FKBP5: variants seen among roughly 807,000 people sequenced by gnomAD.
FKBP5 encodes the protein peptidyl-prolyl cis-trans isomerase FKBP5.
A neutral mutation model predicts 50.5 loss-of-function variants in FKBP5; 23 were observed. The observed-to-expected ratio is 0.46, with a 90% CI of 0.33 to 0.65. The LOEUF (loss-of-function observed/expected upper bound fraction) is 0.65, where lower values mean the gene tolerates loss of function less well. Among genes scored for constraint, FKBP5 ranks in the 30% least tolerant of loss-of-function variants. The pLI is 0.02. For synonymous variants in FKBP5, 176 were observed against 190.6 expected (o/e 0.92, Z 0.63); for missense variants, 411 against 553.1 (o/e 0.74, Z 2.58).
At chr6:35,656,890 C>T (rs547246010) in intron 1 of FKBP5, among the ~76,000 whole-genome samples, 340 of 94,556 alleles carry the variant, frequency 3.6e-3, no homozygotes, top group African/African-American at 0.014. Flanking sequence ...AGCAAGACTC[C>T]GTCTCAAAAA....
At chr6:35,622,641 T>A (rs1763880935) in intron 3 of FKBP5, among the ~76,000 whole-genome samples, 1 of 152,232 alleles carries the variant, frequency 6.6e-6, no homozygotes, top group African/African-American at 2.4e-5. Flanking sequence ...GGTATCCTAC[T>A]GTGTGCTGTC....
intron 3 of FKBP5, among the ~76,000 whole-genome samples, chr6:35,631,262 T>C (rs1764143839): frequency 6.6e-6 from 1 of 152,258 alleles, no homozygotes; most frequent in South Asian, 2.1e-4. Context: ...AATTGTGGAA[T>C]ACTTCTCAGG....
intron 1 of FKBP5, among the ~76,000 whole-genome samples, chr6:35,660,404 G>A (rs1245339242): frequency 1.3e-5 from 1 of 78,706 alleles, no homozygotes; most frequent in African/African-American, 4.0e-5. Flanking sequence ...GAGTAGCTGG[G>A]ATTATAGGCA....
chr6:35,617,394 C>G (rs1763693231), intron 5 of FKBP5, among the ~76,000 whole-genome samples: 1 of 152,030 alleles, frequency 6.6e-6, no homozygotes, highest in Admixed American at 6.6e-5. Flanking sequence ...ACTGGTGTAA[C>G]CATAGCACGC....
intron 1 of FKBP5, among the ~76,000 whole-genome samples, chr6:35,678,415 GA>G (rs2151008785): frequency 6.6e-6 from 1 of 152,266 alleles, no homozygotes; most frequent in Non-Finnish European, 1.5e-5. Context: ...TTTAGAGAAA[GA>G]AAAGGCAAAA....
At chr6:35,689,617 C>T (rs1249618071), upstream of FKBP5, among the ~76,000 whole-genome samples, 3 of 152,000 alleles carry the variant, frequency 2.0e-5, no homozygotes, top group Admixed American at 6.6e-5. Context: ...CCGAGGTGGG[C>T]GGACCACGAG....
chr6:35,607,809 T>C (rs570701617), intron 5 of FKBP5: 5 of 225,498 alleles, frequency 2.2e-5, no homozygotes, highest in South Asian at 1.8e-4. Flanking sequence ...ATGGAGTTAC[T>C]GAAGGTCTCC....
intron 8 of FKBP5, chr6:35,586,113 A>C (rs184239935): frequency 1.0e-6 from 1 of 984,918 alleles, no homozygotes; most frequent in East Asian, 1.1e-4. Flanking sequence ...TTCTCCCTCT[A>C]ATTCTCATCA....
At chr6:35,683,120 ATGTGTGTGTGTGTGTGTGTGTGTGTG>A (rs35830022) in intron 1 of FKBP5, among the ~76,000 whole-genome samples, 54 of 80,690 alleles carry the variant, frequency 6.7e-4, no homozygotes, top group African/African-American at 1.9e-3. Flanking sequence ...ATATACGTAT[ATGTGTGTGTGTGTGTGTGTGTGTGTG>A]TGTGTGTGTG....
intron 3 of FKBP5, among the ~76,000 whole-genome samples, chr6:35,621,293 C>A (rs9380524): frequency 0.094 from 14,344 of 152,100 alleles, 983 homozygotes; most frequent in East Asian, 0.35. Context: ...CAAGTCCTTT[C>A]GGAAACAATA....
chr6:35,616,021 T>C (rs1265255842), intron 5 of FKBP5, among the ~76,000 whole-genome samples: 2 of 152,012 alleles, frequency 1.3e-5, no homozygotes, highest in African/African-American at 4.8e-5. Flanking sequence ...GTATTCAAAA[T>C]AGTAGAGTAG....
At chr6:35,706,637 C>A (rs1455550302) in intron 2 of FKBP5, among the ~76,000 whole-genome samples, 1 of 152,124 alleles carries the variant, frequency 6.6e-6, no homozygotes, top group African/African-American at 2.4e-5. Context: ...GATTGTGTAA[C>A]CTCTTTGTCA....
chr6:35,686,837 G>C (rs1163891961), intron 1 of FKBP5, among the ~76,000 whole-genome samples: 4 of 152,076 alleles, frequency 2.6e-5, no homozygotes. Flanking sequence ...TTTTTCATTT[G>C]AACTGATTAA....
At chr6:35,589,130 T>TATTTTTATATATATATATATGTATATA (rs1561846638) in intron 7 of FKBP5, among the ~76,000 whole-genome samples, 1 of 112,964 alleles carries the variant, frequency 8.9e-6, no homozygotes, top group Non-Finnish European at 1.8e-5. Flanking sequence ...ATATATATAT[T>TATTTTTATATATATATATATGTATATA]TTTTTTTTTT....
chr6:35,706,236 T>G (rs540766853), intron 2 of FKBP5, among the ~76,000 whole-genome samples: 9 of 151,764 alleles, frequency 5.9e-5, no homozygotes, highest in Non-Finnish European at 5.9e-5. Context: ...CCAGCCTGGC[T>G]AATATGGTAA....
At chr6:35,710,005 C>T (rs568662352) in intron 2 of FKBP5, among the ~76,000 whole-genome samples, 1 of 152,178 alleles carries the variant, frequency 6.6e-6, no homozygotes, top group South Asian at 2.1e-4. Context: ...TCTGAGGAGG[C>T]AACATTTGTG....
chr6:35,592,386 G>A (rs1330260757), intron 6 of FKBP5, among the ~76,000 whole-genome samples: 1 of 152,106 alleles, frequency 6.6e-6, no homozygotes, highest in South Asian at 2.1e-4. Flanking sequence ...CACAGAAAAT[G>A]GAAGCTGGAG....
At chr6:35,652,608 C>T (rs999880787) in intron 1 of FKBP5, among the ~76,000 whole-genome samples, 1 of 152,174 alleles carries the variant, frequency 6.6e-6, no homozygotes, top group Non-Finnish European at 1.5e-5. Context: ...AAACTTTGGT[C>T]AGACTAGTTG....
At chr6:35,657,523 G>C (rs1343587764) in intron 1 of FKBP5, among the ~76,000 whole-genome samples, 1 of 152,170 alleles carries the variant, frequency 6.6e-6, no homozygotes, top group African/African-American at 2.4e-5. Flanking sequence ...AGTTGGGAAA[G>C]TTTTCCACTT....
Sources: gnomAD v4.1 joint callset for allele counts (sites outside exome capture counted in the v4.1 genomes callset) on GRCh38, gnomAD v4.1.1 for gene constraint, MANE v1.5 for transcripts, NCBI Gene and HGNC (gene_info 2026-07-23, HGNC 2026-07-21) for gene names.